The following RNF111 variants were observed in gnomAD, a reference collection of about 807,000 sequenced individuals.
The protein encoded by RNF111 is E3 ubiquitin-protein ligase Arkadia.
In RNF111, 17 loss-of-function variants were observed where a neutral mutation model predicts 95.1. The observed-to-expected ratio is 0.18, with a 90% CI of 0.12 to 0.27. The LOEUF is 0.27. Ranked by LOEUF, RNF111 falls within the 10% of genes least tolerant of loss-of-function variation. The pLI is 1.00. For missense variants in RNF111, 1,189 were observed against 1,210.4 expected (o/e 0.98, Z 0.26); for synonymous variants, 440 against 414.8 (o/e 1.06, Z -0.74).
intron 6 of RNF111, among the ~76,000 whole-genome samples, chr15:59,072,890 A>C (rs1355996186): frequency 1.3e-5 from 2 of 151,600 alleles, no homozygotes; most frequent in Non-Finnish European, 2.9e-5. Context: ...TAAAAAAAAA[A>C]AAACAAAACA....
chr15:59,046,892 G>A (rs1197643007), intron 2 of RNF111, among the ~76,000 whole-genome samples: 1 of 152,104 alleles, frequency 6.6e-6, no homozygotes, highest in Non-Finnish European at 1.5e-5. Context: ...TTGAGACACA[G>A]GGTCTCACTC....
At chr15:59,061,344 C>T (rs1259735692) in intron 5 of RNF111, among the ~76,000 whole-genome samples, 1 of 152,118 alleles carries the variant, frequency 6.6e-6, no homozygotes, top group African/African-American at 2.4e-5. Flanking sequence ...ATATTTCCAA[C>T]CCTCACATTC....
intron 6 of RNF111, among the ~76,000 whole-genome samples, chr15:59,073,471 A>C (rs1286213399): frequency 7.1e-6 from 1 of 141,596 alleles, no homozygotes; most frequent in Non-Finnish European, 1.5e-5. Flanking sequence ...ATAGAGTGAG[A>C]CACCATCTCC....
At position 59,058,304 on chromosome 15, in the gene RNF111, C is replaced by G. The variant is rs372885262; in HGVS notation, c.1172-52C>G. The G allele has an allele frequency of 1.8e-4, 253 of 1,388,328 alleles. 2 individuals carry two copies. The highest frequency in any genetic ancestry group is 1.7e-3 in the South Asian group (144 of 86,244). The allele number at this position is 1,388,328 out of a possible 1,614,324, so 86.0% of individuals were successfully genotyped here. ...CACATTAGCTTACATTAAAATATAA[C>G]CCTTTATCTAATTTGTTTTGAAATG... On this transcript the variant is annotated intron_variant, in intron 4 of 13. Coordinates refer to ENST00000348370, the MANE Select transcript of RNF111 (RefSeq NM_017610.8).
intron 10 of RNF111, among the ~76,000 whole-genome samples, chr15:59,088,133 C>G (rs997542208): frequency 6.6e-6 from 1 of 151,972 alleles, no homozygotes; most frequent in Non-Finnish European, 1.5e-5. Flanking sequence ...GACAGAAAAC[C>G]ATTAGAGAGG....
intron 1 of RNF111, among the ~76,000 whole-genome samples, chr15:59,001,274 A>G: frequency 6.6e-6 from 1 of 152,284 alleles, no homozygotes; most frequent in South Asian, 2.1e-4. Context: ...TGAAGGGTTC[A>G]TGTTCTTCAG....
intron 1 of RNF111, among the ~76,000 whole-genome samples, chr15:58,999,931 C>T (rs1415946836): frequency 3.9e-5 from 6 of 152,030 alleles, no homozygotes; most frequent in Non-Finnish European, 5.9e-5. Flanking sequence ...TAAAAAACCA[C>T]ATCTCATGAG....
intron 1 of RNF111, among the ~76,000 whole-genome samples, chr15:58,989,441 G>C (rs779643210): frequency 6.6e-6 from 1 of 152,174 alleles, no homozygotes; most frequent in Non-Finnish European, 1.5e-5. Flanking sequence ...GAATTGGTGA[G>C]GGTGTTTATA....
At chr15:59,093,518 C>CT in intron 13 of RNF111, 1 of 354,730 alleles carries the variant, frequency 2.8e-6, no homozygotes, top group South Asian at 2.0e-5. Flanking sequence ...GCTATAGCAT[C>CT]TTTTATAAAC....
At chr15:59,047,562 T>C (rs547904372) in intron 2 of RNF111, among the ~76,000 whole-genome samples, 2 of 152,130 alleles carry the variant, frequency 1.3e-5, no homozygotes, top group Non-Finnish European at 2.9e-5. Context: ...CCATTAGTTA[T>C]TTTGTGTTTT....
intron 1 of RNF111, among the ~76,000 whole-genome samples, chr15:58,996,234 C>T (rs1359993360): frequency 2.6e-5 from 4 of 152,100 alleles, no homozygotes; most frequent in African/African-American, 9.7e-5. Flanking sequence ...ATCAAACATT[C>T]TAATCTGAAG....
At chr15:59,017,672 G>C (rs1389826560) in intron 1 of RNF111, among the ~76,000 whole-genome samples, 1 of 151,390 alleles carries the variant, frequency 6.6e-6, no homozygotes, top group South Asian at 2.1e-4. Flanking sequence ...TTTGAAAGTT[G>C]ACAGATTTAT....
chr15:59,054,984 T>C (rs2042145780), intron 3 of RNF111, among the ~76,000 whole-genome samples: 1 of 152,246 alleles, frequency 6.6e-6, no homozygotes, highest in Admixed American at 6.5e-5. Flanking sequence ...CAAATCATTA[T>C]AGTGAGTCCT....
chr15:59,032,593 T>A (rs2040966952), intron 2 of RNF111, among the ~76,000 whole-genome samples: 1 of 152,152 alleles, frequency 6.6e-6, no homozygotes, highest in Admixed American at 6.5e-5. Context: ...GGCTTATTTT[T>A]GTATTTTTTG....
intron 2 of RNF111, among the ~76,000 whole-genome samples, chr15:59,047,009 G>A (rs2141914362): frequency 6.6e-6 from 1 of 151,892 alleles, no homozygotes; most frequent in South Asian, 2.1e-4. Context: ...CTTTTGTTGA[G>A]ACGAGGTTTT....
chr15:59,005,458 T>G (rs1323705333), intron 1 of RNF111, among the ~76,000 whole-genome samples: 6 of 152,242 alleles, frequency 3.9e-5, no homozygotes, highest in African/African-American at 1.4e-4. Context: ...CTTGGGCAGT[T>G]TTGCTCCCAA....
intron 2 of RNF111, among the ~76,000 whole-genome samples, chr15:59,037,656 G>T (rs542765693): frequency 6.6e-5 from 10 of 152,216 alleles, no homozygotes; most frequent in African/African-American, 2.2e-4. Flanking sequence ...GACCAACATG[G>T]AGAAACCCCG....
chr15:59,072,880 T>TA (rs35410395), intron 6 of RNF111, among the ~76,000 whole-genome samples: 40,584 of 140,234 alleles, frequency 0.29, 5,702 homozygotes, highest in Middle Eastern at 0.44. Flanking sequence ...ATTTTTTTAT[T>TA]AAAAAAAAAA....
intron 2 of RNF111, among the ~76,000 whole-genome samples, chr15:59,042,673 C>G (rs2041524052): frequency 6.6e-6 from 1 of 152,100 alleles, no homozygotes; most frequent in South Asian, 2.1e-4. Context: ...CCAAACCAGT[C>G]ATTAACATCT....
Sources: gnomAD v4.1 joint callset for allele counts (sites outside exome capture counted in the v4.1 genomes callset) on GRCh38, gnomAD v4.1.1 for gene constraint, MANE v1.5 for transcripts, NCBI Gene and HGNC (gene_info 2026-07-23, HGNC 2026-07-21) for gene names.